BMPR1A: variants seen among roughly 807,000 people sequenced by gnomAD.
BMPR1A encodes bone morphogenetic protein receptor type 1A, also known as bone morphogenetic protein receptor type-1A.
In BMPR1A, 7 loss-of-function variants were observed where a neutral mutation model predicts 66.0. The ratio of observed to expected loss-of-function variants is 0.11; its 90% CI spans 0.06 to 0.20. The LOEUF (loss-of-function observed/expected upper bound fraction) is 0.20, where lower values mean the gene tolerates loss of function less well. Ranked by LOEUF, BMPR1A falls within the 10% of genes least tolerant of loss-of-function variation. The probability of loss-of-function intolerance (pLI) is 1.00; values close to 1 mark genes in which losing one functional copy is unlikely to be tolerated. For missense variants in BMPR1A, 408 were observed against 669.1 expected (o/e 0.61, Z 4.31); for synonymous variants, 200 against 229.7 (o/e 0.87, Z 1.17).
intron 7 of BMPR1A, among the ~76,000 whole-genome samples, chr10:86,905,538 C>A (rs1351255463): frequency 6.6e-6 from 1 of 152,244 alleles, no homozygotes; most frequent in South Asian, 2.1e-4. Context: ...TGCCACTTTC[C>A]TATTGAATTT....
At chr10:86,903,323 T>A (rs887498851) in intron 7 of BMPR1A, among the ~76,000 whole-genome samples, 2 of 152,050 alleles carry the variant, frequency 1.3e-5, no homozygotes, top group African/African-American at 2.4e-5. Flanking sequence ...AAAAGTTAAA[T>A]CAAGACATGG....
intron 3 of BMPR1A, among the ~76,000 whole-genome samples, chr10:86,885,351 T>C (rs1843055365): frequency 6.6e-6 from 1 of 152,226 alleles, no homozygotes. Context: ...GTCTGGCTGA[T>C]TTTGCATTGT....
chr10:86,857,028 T>G (rs1205764595), intron 2 of BMPR1A, among the ~76,000 whole-genome samples: 1 of 152,216 alleles, frequency 6.6e-6, no homozygotes, highest in African/African-American at 2.4e-5. Flanking sequence ...TGTCACCCTC[T>G]TGACACATCA....
At chr10:86,897,308 T>G (rs1222693049) in intron 5 of BMPR1A, among the ~76,000 whole-genome samples, 1 of 151,746 alleles carries the variant, frequency 6.6e-6, no homozygotes, top group African/African-American at 2.4e-5. Context: ...GGGTGGAGAG[T>G]GCAGGAAAAG....
chr10:86,795,585 T>G (rs576468420), intron 1 of BMPR1A, among the ~76,000 whole-genome samples: 1 of 152,244 alleles, frequency 6.6e-6, no homozygotes, highest in East Asian at 1.9e-4. Context: ...CTGCACACGT[T>G]CAGAGAAGCA....
chr10:86,847,595 A>G (rs1426337227), intron 2 of BMPR1A, among the ~76,000 whole-genome samples: 1 of 151,938 alleles, frequency 6.6e-6, no homozygotes, highest in Non-Finnish European at 1.5e-5. Context: ...CATGCCTGTA[A>G]TGCCAACACT....
Position 86,927,051 on chromosome 10 carries a change from GA to G in BMPR1A, c.*3334del, listed in dbSNP as rs1219520522. On this transcript the variant is annotated 3_prime_UTR_variant, in exon 13 of 13. Coordinates refer to ENST00000372037, the MANE Select transcript of BMPR1A (RefSeq NM_004329.3). ...TTTTACATTGCCTTTCCAGTGTCCAGAAGTGTTTCTAAACTTAGAAAGTGAC... is the reference window on the plus strand; with the variant it reads ...TTTTACATTGCCTTTCCAGTGTCCAGAGTGTTTCTAAACTTAGAAAGTGAC... 5.3e-6 allele frequency: 1 copy of G among 187,032 alleles called. No individual in the cohort carries two copies. Among genetic ancestry groups the G allele is most frequent in the African/African-American group, 2.3e-5 (1 of 42,754 alleles). 11.6% of individuals were successfully genotyped at this position (187,032 alleles called of 1,614,324 possible).
Position 86,790,213 on chromosome 10 carries a change from AT to A in BMPR1A, c.-268+33295del, listed in dbSNP as rs1564685571. On this transcript the variant is annotated intron_variant, in intron 1 of 12. Transcript: ENST00000372037. ...AATATATATATATATATATATATATATATATATATATATATATATATATCAA... is the reference window on the plus strand; with the variant it reads ...AATATATATATATATATATATATATAATATATATATATATATATATATCAA... Among the ~76,000 whole-genome samples, 39 of 87,668 alleles carry A rather than the reference AT, an allele frequency of 4.4e-4. 11 individuals carry two copies. Among genetic ancestry groups the A allele is most frequent in the East Asian group, 2.5e-3 (7 of 2,818 alleles). 57.5% of individuals were successfully genotyped at this position (87,668 alleles called of 152,430 possible).
chr10:86,780,197 GTA>G (rs1841415499), intron 1 of BMPR1A, among the ~76,000 whole-genome samples: 1 of 152,094 alleles, frequency 6.6e-6, no homozygotes, highest in Admixed American at 6.6e-5. Context: ...TGTATATTCT[GTA>G]TATTAATCCC....
intron 1 of BMPR1A, among the ~76,000 whole-genome samples, chr10:86,767,282 A>G (rs1841181470): frequency 6.6e-6 from 1 of 152,182 alleles, no homozygotes; most frequent in Non-Finnish European, 1.5e-5. Context: ...TTGTGCTAAA[A>G]TATTTCGTAT....
chr10:86,816,760 G>GT (rs933854159), intron 1 of BMPR1A, among the ~76,000 whole-genome samples: 1 of 152,184 alleles, frequency 6.6e-6, no homozygotes, highest in Admixed American at 6.5e-5. Flanking sequence ...ACAAGCAGGA[G>GT]TTACCCTGCA....
chr10:86,908,364 G>A (rs1473501768), intron 7 of BMPR1A, among the ~76,000 whole-genome samples: 1 of 152,172 alleles, frequency 6.6e-6, no homozygotes, highest in Non-Finnish European at 1.5e-5. Flanking sequence ...AAGAACAACA[G>A]ACATTGAAAT....
At chr10:86,761,054 A>G (rs1841048401) in intron 1 of BMPR1A, among the ~76,000 whole-genome samples, 1 of 152,168 alleles carries the variant, frequency 6.6e-6, no homozygotes, top group East Asian at 1.9e-4. Flanking sequence ...TTCTCTCCCT[A>G]ATCAAAGCTC....
At chr10:86,909,456 G>A (rs1290110529) in intron 7 of BMPR1A, among the ~76,000 whole-genome samples, 1 of 151,962 alleles carries the variant, frequency 6.6e-6, no homozygotes, top group East Asian at 1.9e-4. Flanking sequence ...GCCTGGTATG[G>A]TGGTGTGTGC....
chr10:86,826,429 C>CACACACACACACACACACACAT (rs984543452), intron 1 of BMPR1A, among the ~76,000 whole-genome samples: 1 of 151,850 alleles, frequency 6.6e-6, no homozygotes, highest in African/African-American at 2.4e-5. Context: ...CACACACACA[C>CACACACACACACACACACACAT]ACACACACAC....
intron 1 of BMPR1A, among the ~76,000 whole-genome samples, chr10:86,821,570 A>G (rs1842120673): frequency 6.6e-6 from 1 of 152,164 alleles, no homozygotes; most frequent in African/African-American, 2.4e-5. Flanking sequence ...GAGAGGCTGC[A>G]TTTATACCTC....
intron 1 of BMPR1A, among the ~76,000 whole-genome samples, chr10:86,794,734 A>G (rs1320923013): frequency 1.3e-5 from 2 of 152,148 alleles, no homozygotes; most frequent in Middle Eastern, 3.4e-3. Flanking sequence ...ATTATGGTAA[A>G]TGAAAAGATA....
chr10:86,871,969 CA>C (rs952235576), intron 2 of BMPR1A, among the ~76,000 whole-genome samples: 3 of 152,082 alleles, frequency 2.0e-5, no homozygotes, highest in Non-Finnish European at 4.4e-5. Flanking sequence ...GCATTCCTGT[CA>C]TTCTTCTCTC....
At chr10:86,900,154 A>G in intron 7 of BMPR1A, 28 bp downstream of exon 7, 1 of 1,604,700 alleles carries the variant, frequency 6.2e-7, no homozygotes. Context: ...TTGAAGCAAA[A>G]TATTTTGTCA....
Sources: gnomAD v4.1 joint callset for allele counts (sites outside exome capture counted in the v4.1 genomes callset) on GRCh38, gnomAD v4.1.1 for gene constraint, MANE v1.5 for transcripts, NCBI Gene and HGNC (gene_info 2026-07-23, HGNC 2026-07-21) for gene names.